Variants in EFR3B observed in about 807,000 individuals in gnomAD.
EFR3B encodes EFR3 homolog B, also known as protein EFR3 homolog B.
A neutral mutation model predicts 104.7 loss-of-function variants in EFR3B; 64 were observed. The ratio of observed to expected loss-of-function variants is 0.61; its 90% CI spans 0.50 to 0.75. The LOEUF is 0.75. Among genes scored for constraint, EFR3B ranks in the 30% least tolerant of loss-of-function variants. The pLI is 0.00. For synonymous variants in EFR3B, 385 were observed against 417.9 expected (o/e 0.92, Z 0.96); for missense variants, 750 against 1,078.5 (o/e 0.70, Z 4.27).
chr2:25,117,888 G>A (rs979777284), intron 4 of EFR3B, among the ~76,000 whole-genome samples: 3 of 152,126 alleles, frequency 2.0e-5, no homozygotes, highest in East Asian at 1.9e-4. Flanking sequence ...TTTGACCAAC[G>A]TCTCCCTATT....
chr2:25,149,630 T>G, intron 19 of EFR3B, 64 bp from the exon 20 acceptor site: 1 of 1,487,848 alleles, frequency 6.7e-7, no homozygotes, highest in African/African-American at 1.4e-5. Context: ...GAGCTGGGGG[T>G]GCCAGGGCTG....
chr2:25,133,322 G>A (rs1670433407), intron 11 of EFR3B, 61 bp from the exon 12 acceptor site: 1 of 1,510,310 alleles, frequency 6.6e-7, no homozygotes, highest in Non-Finnish European at 9.0e-7. Flanking sequence ...AACTAAGCTG[G>A]CAAGTGTGTG....
intron 3 of EFR3B, among the ~76,000 whole-genome samples, chr2:25,098,597 C>T (rs1669346564): frequency 6.6e-6 from 1 of 152,166 alleles, no homozygotes; most frequent in South Asian, 2.1e-4. Context: ...GAGCATTAGA[C>T]TCGGGGCTTC....
intron 1 of EFR3B, among the ~76,000 whole-genome samples, chr2:25,084,220 T>A (rs1419946730): frequency 6.6e-6 from 1 of 151,460 alleles, no homozygotes; most frequent in East Asian, 1.9e-4. Context: ...GTTAATTAAT[T>A]ATTTTTTTTT....
At chr2:25,092,034 T>C (rs1286422702) in intron 2 of EFR3B, among the ~76,000 whole-genome samples, 1 of 151,946 alleles carries the variant, frequency 6.6e-6, no homozygotes, top group Non-Finnish European at 1.5e-5. Flanking sequence ...GTCCTGTGTG[T>C]GTCTTGGTGC....
chr2:25,128,571 G>A (rs1016272189), intron 6 of EFR3B, among the ~76,000 whole-genome samples: 5 of 152,162 alleles, frequency 3.3e-5, no homozygotes, highest in African/African-American at 1.2e-4. Context: ...TTGGTGCTGG[G>A]CTCCCTGGTG....
At chr2:25,049,952 TAAAAAAAAAAAA>T (rs59279308) in intron 1 of EFR3B, among the ~76,000 whole-genome samples, 1 of 104,868 alleles carries the variant, frequency 9.5e-6, no homozygotes, top group Non-Finnish European at 2.0e-5. Context: ...ACATTTCTAC[TAAAAAAAAAAAA>T]AAAAAAAAAT....
intron 1 of EFR3B, chr2:25,080,831 G>A (rs1298270582): frequency 4.4e-6 from 4 of 903,480 alleles, no homozygotes; most frequent in African/African-American, 3.3e-5. Flanking sequence ...CTTCACCATT[G>A]GATTTATTTC....
intron 4 of EFR3B, among the ~76,000 whole-genome samples, chr2:25,120,257 G>A (rs1266428786): frequency 2.6e-5 from 4 of 151,964 alleles, no homozygotes; most frequent in South Asian, 4.2e-4. Context: ...AGGCTGAGTC[G>A]GGAGAATCGC....
At chr2:25,085,487 C>A (rs114547078) in intron 1 of EFR3B, among the ~76,000 whole-genome samples, 1 of 151,960 alleles carries the variant, frequency 6.6e-6, no homozygotes, top group Non-Finnish European at 1.5e-5. Flanking sequence ...TTTATTGAGA[C>A]GAAATCTCTT....
chr2:25,155,449 G>A lies in EFR3B; in HGVS notation c.*1109G>A, dbSNP rs983404522. 6.6e-6 allele frequency: 1 copy of A among 152,256 alleles called. No individual in the cohort carries two copies. The highest frequency in any genetic ancestry group is 2.4e-5 in the African/African-American group (1 of 41,442). The allele number at this position is 152,256 out of a possible 1,614,324, so 9.4% of individuals were successfully genotyped here. A position where few individuals can be genotyped will look rare whatever the true frequency, so the allele number is the denominator to read the frequency against. ...ACCACCTGGCAACGCTTGTGGCTTG[G>A]GAGGAGCCATGGAGACCCCTTTGGG... On this transcript the variant is annotated 3_prime_UTR_variant, in exon 23 of 23. Transcript: ENST00000403714.
intron 1 of EFR3B, among the ~76,000 whole-genome samples, chr2:25,088,984 C>G (rs3856390): frequency 9.2e-4 from 140 of 152,316 alleles, no homozygotes; most frequent in African/African-American, 3.1e-3. Flanking sequence ...TTCCCGCCCA[C>G]CATGGGCCCT....
rs1386210248 is a variant in EFR3B at position 25,130,493 on chromosome 2, C to T, written c.771-59C>T. 1.8e-5 allele frequency: 26 copies of T among 1,418,368 alleles called. No homozygotes were observed. The South Asian group carries it at 2.3e-4, about 13-fold the overall frequency. The allele number at this position is 1,418,368 out of a possible 1,614,324, so 87.9% of individuals were successfully genotyped here. A position where few individuals can be genotyped will look rare whatever the true frequency, so the allele number is the denominator to read the frequency against. ...TGTCCCTCTGCCTCCAAGCTAATCT[C>T]TTCTCCCTAACACTGCCGGGAGTTT... On this transcript the variant is annotated intron_variant, in intron 7 of 22. Coordinates refer to ENST00000403714, the MANE Select transcript of EFR3B (RefSeq NM_014971.2). The surrounding 1 kb of genome is among the most constrained non-coding windows in gnomAD (Gnocchi z 4.6).
chr2:25,092,605 A>G (rs1188742147), intron 2 of EFR3B, among the ~76,000 whole-genome samples: 1 of 148,976 alleles, frequency 6.7e-6, no homozygotes, highest in Admixed American at 6.7e-5. Flanking sequence ...CTAGAGTGCA[A>G]TGGTGCAATC....
At chr2:25,064,313 A>T (rs753313906) in intron 1 of EFR3B, among the ~76,000 whole-genome samples, 2 of 152,130 alleles carry the variant, frequency 1.3e-5, no homozygotes, top group Non-Finnish European at 2.9e-5. Flanking sequence ...TAAATCTGTG[A>T]GTTCGTCTGT....
chr2:25,128,065 G>T (rs1670214747), intron 5 of EFR3B, 118 bp from the exon 6 acceptor site: 3 of 1,202,302 alleles, frequency 2.5e-6, no homozygotes, highest in Non-Finnish European at 3.5e-6. Flanking sequence ...TCTCCATTCT[G>T]CCTTCTGATG....
rs1262001254 is a variant in EFR3B, at chr2:25,114,396, G to A, written c.364-7277G>A. 1.3e-5 allele frequency among the ~76,000 whole-genome samples: 2 copies of A among 152,172 alleles called. No homozygotes were observed. The highest frequency in any genetic ancestry group is 1.3e-4 in the Admixed American group (2 of 15,280). On this transcript the variant is annotated intron_variant, in intron 4 of 22. Coordinates refer to ENST00000403714, the MANE Select transcript of EFR3B (RefSeq NM_014971.2). This position sits in a 1 kb window ranked among gnomAD's most constrained non-coding sequence, Gnocchi z 4.0. ...AGCTGTCAAACCAAGGGATCCTAAGGAGGCTCGAGATCCTGGTACCAAAAA... is the reference window on the plus strand; with the variant it reads ...AGCTGTCAAACCAAGGGATCCTAAGAAGGCTCGAGATCCTGGTACCAAAAA...
At chr2:25,062,012 T>C (rs2149169855) in intron 1 of EFR3B, among the ~76,000 whole-genome samples, 1 of 152,356 alleles carries the variant, frequency 6.6e-6, no homozygotes, top group South Asian at 2.1e-4. Flanking sequence ...TTATAGGCAG[T>C]GTAAGCAATG....
At chr2:25,076,312 T>C (rs1447299537) in intron 1 of EFR3B, among the ~76,000 whole-genome samples, 1 of 152,170 alleles carries the variant, frequency 6.6e-6, no homozygotes, top group African/African-American at 2.4e-5. Flanking sequence ...GCCTTTTTTC[T>C]CCTAAGTTGG....
Sources: allele counts gnomAD v4.1 joint callset (sites outside exome capture counted in the v4.1 genomes callset), GRCh38; gene constraint gnomAD v4.1.1; non-coding constraint Gnocchi (gnomAD v3.1); transcripts MANE v1.5; gene names NCBI Gene and HGNC (gene_info 2026-07-23, HGNC 2026-07-21).